ZNF541: variants seen among roughly 807,000 people sequenced by gnomAD.
The protein encoded by ZNF541 is zinc finger protein 541.
In ZNF541, 23 loss-of-function variants were observed where a neutral mutation model predicts 123.5. That is an observed-to-expected ratio of 0.19 (90% confidence interval 0.13 to 0.26). ZNF541 has a LOEUF of 0.26. ZNF541 is among the 10% of genes least tolerant of loss of function. The pLI is 1.00. For missense variants in ZNF541, 1,612 were observed against 1,789.9 expected, an observed-to-expected ratio of 0.90 and a Z score of 1.79; for synonymous variants, 751 against 754.5, an observed-to-expected ratio of 1.00 and a Z score of 0.08.
rs146489012 is a variant in ZNF541 at position 47,526,531 on chromosome 19, G to C, written c.3570+2419C>G. On this transcript the variant is annotated intron_variant, in intron 14 of 16. Transcript: ENST00000391901. The stretch of plus-strand genomic sequence containing the variant: ...CACAGACATCTCAATAAAAACATAT[G>C]CAAGAGATATGAACAGACACCTCAC... 3.0e-3 allele frequency among the ~76,000 whole-genome samples: 440 copies of C among 148,548 alleles called. 3 individuals are homozygous for C. Among genetic ancestry groups the C allele is most frequent in the African/African-American group, 0.011 (421 of 39,872 alleles).
In ZNF541 at chr19:47,545,669, G is replaced by T; in HGVS notation, c.860C>A (p.Thr287Asn). ...RIVSSIVHQK[T>N]PSPGPAPAGA... ...CGCCGGGGCTGGGCCAGGAGAAGGG[G>T]TCTTCTGGTGGACGATGCTACTCAC... Residue 287 changes from threonine to asparagine, a missense_variant, in exon 5 of 17, where the codon ACC (threonine) becomes AAC (asparagine). Around this residue, in one of 5 missense-constraint regions of ZNF541, gnomAD observed 1,080 missense variants for 1,013.8 expected, o/e 1.07. Transcript: ENST00000391901. This position sits in a 1 kb window ranked among gnomAD's most constrained non-coding sequence, Gnocchi z 7.5. 3 of 1,549,206 alleles carry T rather than the reference G, an allele frequency of 1.9e-6. No individual in the cohort carries two copies. The highest frequency in any genetic ancestry group is 2.6e-6 in the Non-Finnish European group (3 of 1,146,772).
chr19:47,536,417 T>C (rs1032255571), intron 9 of ZNF541, among the ~76,000 whole-genome samples: 5 of 152,198 alleles, frequency 3.3e-5, no homozygotes, highest in African/African-American at 1.2e-4. Context: ...TTTATATTTT[T>C]AGTAGAGACG....
rs1329790685 is a variant in ZNF541 at position 47,529,001 on chromosome 19, A to G, written c.3519T>C (p.Phe1173=). 1 of 1,551,500 alleles carries G rather than the reference A, an allele frequency of 6.4e-7. No individual in the cohort carries two copies. Among genetic ancestry groups the G allele is most frequent in the Non-Finnish European group, 8.7e-7 (1 of 1,146,944 alleles). The change falls in exon 14 of 17, where the codon TTT becomes TTC. Residue 1173 remains phenylalanine, a synonymous_variant. Transcript: ENST00000391901. The stretch of plus-strand genomic sequence containing the variant: ...TCTTGTGGGCATAGAACGCCTTCTT[A>G]AAAAGCCTCTTCTCTATAGGGGTCC... ...DVWTPIEKRL[F]KKAFYAHKKD...
chr19:47,538,079 G>C, intron 9 of ZNF541, 63 bp downstream of exon 9: 1 of 1,523,376 alleles, frequency 6.6e-7, no homozygotes, highest in Non-Finnish European at 8.9e-7. Flanking sequence ...ACAAGGTAGA[G>C]TGGCTGTGGT....
At chr19:47,564,729 C>A (rs929581041) in intron 2 of ZNF541, among the ~76,000 whole-genome samples, 9 of 152,132 alleles carry the variant, frequency 5.9e-5, no homozygotes, top group African/African-American at 2.2e-4. Context: ...ACTAGTACAG[C>A]CACTATAGAA....
chr19:47,532,592 C>A (rs577107263), intron 10 of ZNF541, among the ~76,000 whole-genome samples: 1 of 152,158 alleles, frequency 6.6e-6, no homozygotes, highest in Non-Finnish European at 1.5e-5. Flanking sequence ...ATCCCTCAGG[C>A]ATGCTTGAGT....
chr19:47,551,969 T>A lies in ZNF541; in HGVS notation c.308-2484A>T, dbSNP rs138773397. Among the ~76,000 whole-genome samples the A allele has an allele frequency of 1.4e-4, 21 of 152,316 alleles. No individual in the cohort carries two copies. The East Asian group carries it at 3.9e-3, about 28-fold the overall frequency. On this transcript the variant is annotated intron_variant, in intron 3 of 16. Coordinates refer to ENST00000391901, the MANE Select transcript of ZNF541 (RefSeq NM_001277075.3). ...GCCTCCTGGGTTCAAGTGATTCTCC[T>A]GCGTCAGCCTCCTGAGTGGCTGAGA...
At chr19:47,529,172 C>A in intron 13 of ZNF541, 134 bp from the exon 14 acceptor site, 1 of 686,264 alleles carries the variant, frequency 1.5e-6, no homozygotes, top group South Asian at 1.9e-5. Flanking sequence ...ATAAAAAACT[C>A]AAAAAGTCTC....
In ZNF541 at chr19:47,539,702, CA is replaced by C; in HGVS notation, c.2796+2del. On this transcript the variant is annotated splice_donor_variant, in intron 8 of 16. Coordinates refer to ENST00000391901, the MANE Select transcript of ZNF541 (RefSeq NM_001277075.3). LOFTEE classifies it high-confidence loss of function. ...GGAAGGAGGCAGGCCGACAAGCACC[CA>C]CCATGGCCATGCTCCCTATGTGTCG... 1 of 1,402,256 alleles carries C rather than the reference CA, an allele frequency of 7.1e-7. No homozygotes were observed. The highest frequency in any genetic ancestry group is 9.3e-7 in the Non-Finnish European group (1 of 1,079,708). 86.9% of individuals were successfully genotyped at this position (1,402,256 alleles called of 1,614,324 possible). A position where few individuals can be genotyped will look rare whatever the true frequency, so the allele number is the denominator to read the frequency against.
At chr19:47,532,411 A>G in intron 10 of ZNF541, 141 bp from the exon 11 acceptor site, 1 of 926,682 alleles carries the variant, frequency 1.1e-6, no homozygotes. Flanking sequence ...TGCATCAGGT[A>G]CGTGCTGTTC....
chr19:47,545,719 G>C lies in ZNF541; in HGVS notation c.810C>G (p.Pro270=), dbSNP rs556794863. The C allele has an allele frequency of 1.3e-6, 2 of 1,546,688 alleles. No individual in the cohort carries two copies. Among genetic ancestry groups the C allele is most frequent in the Admixed American group, 3.9e-5 (2 of 50,984 alleles). The change falls in exon 5 of 17, where the codon CCC becomes CCG. Residue 270 remains proline, a synonymous_variant. Coordinates refer to ENST00000391901, the MANE Select transcript of ZNF541 (RefSeq NM_001277075.3). The surrounding 1 kb of genome is among the most constrained non-coding windows in gnomAD (Gnocchi z 7.5). ...PEARSPGSLL[P]HRDLLRRIVS... is the part of the protein sequence containing the mutation. Reference sequence around the variant, plus strand: ...CGATGCGGCGCAGGAGGTCCCGGTGGGGCAGGAGGGAGCCGGGGGACCTGG... The same window carrying C: ...CGATGCGGCGCAGGAGGTCCCGGTGCGGCAGGAGGGAGCCGGGGGACCTGG...
chr19:47,528,541 T>C (rs1490946101), intron 14 of ZNF541, among the ~76,000 whole-genome samples: 1 of 151,920 alleles, frequency 6.6e-6, no homozygotes, highest in Non-Finnish European at 1.5e-5. Context: ...GGTCTTGAAC[T>C]CCTGATCTCA....
chr19:47,522,289 C>A (rs1372677142), intron 14 of ZNF541, among the ~76,000 whole-genome samples: 1 of 152,210 alleles, frequency 6.6e-6, no homozygotes, highest in Non-Finnish European at 1.5e-5. Context: ...ACCAGGGATG[C>A]CAACTGTGAC....
At chr19:47,528,214 C>T (rs921534487) in intron 14 of ZNF541, among the ~76,000 whole-genome samples, 1 of 142,872 alleles carries the variant, frequency 7.0e-6, no homozygotes, top group Admixed American at 7.1e-5. Flanking sequence ...ACTCGGAAGG[C>T]TGAGGCAGGA....
intron 14 of ZNF541, 134 bp from the exon 15 acceptor site, chr19:47,522,128 C>G: frequency 8.4e-7 from 1 of 1,194,402 alleles, no homozygotes; most frequent in Non-Finnish European, 1.2e-6. Flanking sequence ...TTACCACTCA[C>G]CACAAAGGCA....
chr19:47,566,563 T>C (rs146224229), intron 2 of ZNF541, among the ~76,000 whole-genome samples: 3 of 151,738 alleles, frequency 2.0e-5, no homozygotes, highest in Admixed American at 2.0e-4. Flanking sequence ...CTGACCAATA[T>C]AGTGAAACCC....
chr19:47,521,797 C>T lies in ZNF541; in HGVS notation c.3711+57G>A. On this transcript the variant is annotated intron_variant, in intron 15 of 16. Transcript: ENST00000391901. The surrounding 1 kb of genome is among the most constrained non-coding windows in gnomAD (Gnocchi z 4.2). ...CCTCTGACCCCACCGTCCAACTCAA[C>T]GGGTAGCAGGCACTGGGAGGAGAGA... The T allele has an allele frequency of 2.6e-6, 4 of 1,536,106 alleles. No individual in the cohort carries two copies. The highest frequency in any genetic ancestry group is 2.5e-5 in the East Asian group (1 of 40,686).
Position 47,533,002 on chromosome 19 carries a change from A to C in ZNF541, c.3095-30T>G, listed in dbSNP as rs1486796183. ...AAAGCACAGAGTGAAAAGGCTCAAG[A>C]AGACAGACAGCAGGTAACCGACAGG... On this transcript the variant is annotated intron_variant, in intron 9 of 16. Coordinates refer to ENST00000391901, the MANE Select transcript of ZNF541 (RefSeq NM_001277075.3). The C allele has an allele frequency of 4.5e-6, 7 of 1,540,566 alleles. 1 individual carries two copies. The highest frequency in any genetic ancestry group is 6.1e-6 in the Non-Finnish European group (7 of 1,141,080).
chr19:47,555,674 A>G lies in ZNF541; in HGVS notation c.183T>C (p.Pro61=). 1 of 1,551,710 alleles carries G rather than the reference A, an allele frequency of 6.4e-7. No individual in the cohort carries two copies. The highest frequency in any genetic ancestry group is 1.2e-5 in the South Asian group (1 of 84,066). ...GLDPDPSLPT[P]DMSSEVLEDN... ...CCTCCAGCACCTCGCTGGACATGTC[A>G]GGCGTTGGGAGGCTGGGGTCCGGGT... The change falls in exon 3 of 17, where the codon CCT becomes CCC. Residue 61 remains proline, a synonymous_variant. Transcript: ENST00000391901.
Sources: gnomAD v4.1 joint callset for allele counts (sites outside exome capture counted in the v4.1 genomes callset) on GRCh38, gnomAD v4.1.1 for gene constraint, gnomAD v4.1.1 regional missense constraint, Gnocchi (gnomAD v3.1) non-coding constraint, MANE v1.5 for transcripts, NCBI Gene and HGNC (gene_info 2026-07-23, HGNC 2026-07-21) for gene names.